The following LDLRAD4 variants were observed in gnomAD, a reference collection of about 807,000 sequenced individuals.
The protein encoded by LDLRAD4 is low-density lipoprotein receptor class A domain-containing protein 4.
LDLRAD4 carries 5 observed loss-of-function variants against 17.0 expected under a neutral mutation model. That is an observed-to-expected ratio of 0.29 (90% CI 0.15 to 0.62). The LOEUF (loss-of-function observed/expected upper bound fraction) is 0.62, where lower values mean the gene tolerates loss of function less well. Among genes scored for constraint, LDLRAD4 ranks in the 20% least tolerant of loss-of-function variants. The probability of loss-of-function intolerance (pLI) is 0.84; values close to 1 mark genes in which losing one functional copy is unlikely to be tolerated. For missense variants in LDLRAD4, 340 were observed against 424.7 expected (o/e 0.80, Z 1.75); for synonymous variants, 168 against 171.8 (o/e 0.98, Z 0.17).
At chr18:13,344,952 A>C (rs2082596033) in intron 1 of LDLRAD4, among the ~76,000 whole-genome samples, 1 of 152,210 alleles carries the variant, frequency 6.6e-6, no homozygotes, top group African/African-American at 2.4e-5. Flanking sequence ...ACTTTGCTGC[A>C]GTTGCTTATC....
chr18:13,305,580 A>T (rs1182491721), intron 1 of LDLRAD4, among the ~76,000 whole-genome samples: 2 of 152,240 alleles, frequency 1.3e-5, no homozygotes, highest in African/African-American at 4.8e-5. Flanking sequence ...ACCCATAGGA[A>T]GTACCCCTAG....
At chr18:13,360,636 G>T (rs538085968) in intron 1 of LDLRAD4, among the ~76,000 whole-genome samples, 19 of 152,310 alleles carry the variant, frequency 1.2e-4, no homozygotes, top group Admixed American at 1.1e-3. Flanking sequence ...CAAACGTACT[G>T]GCCATTTACA....
intron 2 of LDLRAD4, among the ~76,000 whole-genome samples, chr18:13,431,223 G>A (rs576836551): frequency 5.9e-5 from 9 of 152,270 alleles, no homozygotes; most frequent in Middle Eastern, 3.4e-3. Context: ...TATGGGTGAC[G>A]TCGTTTCAAA....
intron 1 of LDLRAD4, among the ~76,000 whole-genome samples, chr18:13,224,074 C>T: frequency 6.6e-6 from 1 of 152,212 alleles, no homozygotes; most frequent in East Asian, 1.9e-4. Context: ...CGTGCTGTAG[C>T]CCTCCCTCCC....
chr18:13,441,949 C>T (rs915622235), intron 3 of LDLRAD4, among the ~76,000 whole-genome samples: 4 of 152,162 alleles, frequency 2.6e-5, no homozygotes, highest in African/African-American at 9.7e-5. Flanking sequence ...CCATTATCTC[C>T]TGGGGAATGA....
At chr18:13,478,777 T>G (rs2093011479) in intron 3 of LDLRAD4, among the ~76,000 whole-genome samples, 1 of 152,194 alleles carries the variant, frequency 6.6e-6, no homozygotes, top group South Asian at 2.1e-4. Context: ...AAAAACTGAT[T>G]CTAAAGTTTA....
At chr18:13,319,312 A>G (rs1318423834) in intron 1 of LDLRAD4, among the ~76,000 whole-genome samples, 2 of 152,148 alleles carry the variant, frequency 1.3e-5, no homozygotes, top group African/African-American at 4.8e-5. Flanking sequence ...AGAGGTGCGC[A>G]GTGGCGGGGC....
intron 1 of LDLRAD4, among the ~76,000 whole-genome samples, chr18:13,341,650 T>C (rs188942065): frequency 6.6e-6 from 1 of 152,306 alleles, no homozygotes; most frequent in African/African-American, 2.4e-5. Context: ...TCTTTAGGGC[T>C]TTCTACATAT....
Position 13,469,842 on chromosome 18 carries a change from T to C in LDLRAD4, c.181+31458T>C, listed in dbSNP as rs370921478. Among the ~76,000 whole-genome samples the C allele has an allele frequency of 1.7e-4, 26 of 152,284 alleles. No individual in the cohort carries two copies. The East Asian group carries it at 4.4e-3, about 26-fold the overall frequency. On this transcript the variant is annotated intron_variant, in intron 3 of 5. Coordinates refer to ENST00000359446, the Ensembl canonical transcript of LDLRAD4. ...GCAAATGTTAGTAACACCACTGAAT[T>C]GTGTCTCAGTTACTGGGAGGCTGAA...
chr18:13,554,032 G>C (rs770259042), intron 3 of LDLRAD4, among the ~76,000 whole-genome samples: 1 of 152,070 alleles, frequency 6.6e-6, no homozygotes, highest in African/African-American at 2.4e-5. Flanking sequence ...TAGTCACATA[G>C]CATTTAATCA....
upstream of LDLRAD4, chr18:13,217,899 G>C (rs1294681064): frequency 2.0e-5 from 3 of 151,502 alleles, no homozygotes; most frequent in African/African-American, 7.3e-5. This position sits in a 1 kb window ranked among gnomAD's most constrained non-coding sequence, Gnocchi z 4.9. Context: ...AGTGGAAGCA[G>C]GGCGGGGAGC....
At chr18:13,511,710 G>A (rs1264562612) in intron 3 of LDLRAD4, among the ~76,000 whole-genome samples, 14 of 152,210 alleles carry the variant, frequency 9.2e-5, no homozygotes, top group Admixed American at 9.2e-4. Context: ...CCCCTCAGTA[G>A]GAAAGGCGGG....
At chr18:13,387,513 G>A (rs2085925049) in exon 2 of LDLRAD4, 3 of 510,864 alleles carry the variant, frequency 5.9e-6, no homozygotes, top group Non-Finnish European at 6.9e-6. Flanking sequence ...ACGGCTGACG[G>A]GAGCAGGGAC....
intron 1 of LDLRAD4, among the ~76,000 whole-genome samples, chr18:13,256,874 T>C (rs1002189122): frequency 6.6e-6 from 1 of 152,194 alleles, no homozygotes; most frequent in South Asian, 2.1e-4. Flanking sequence ...ACCTGTGTTG[T>C]TGGAACGAAG....
At chr18:13,248,473 C>T (rs2043077106) in intron 1 of LDLRAD4, among the ~76,000 whole-genome samples, 1 of 152,204 alleles carries the variant, frequency 6.6e-6, no homozygotes, top group African/African-American at 2.4e-5. Context: ...AGCGACCACC[C>T]CATAAGATGT....
intron 3 of LDLRAD4, chr18:13,500,731 C>T (rs1465513172): frequency 6.6e-6 from 1 of 152,066 alleles, no homozygotes; most frequent in East Asian, 1.9e-4. Context: ...GCTTTAAATG[C>T]TTCTGTAAGA....
chr18:13,371,587 A>G (rs539569040), intron 1 of LDLRAD4, among the ~76,000 whole-genome samples: 5 of 151,868 alleles, frequency 3.3e-5, no homozygotes, highest in African/African-American at 1.2e-4. Context: ...ACATGATGAA[A>G]CCCCATCTCC....
chr18:13,312,721 A>C (rs2047307404), intron 1 of LDLRAD4, among the ~76,000 whole-genome samples: 2 of 152,236 alleles, frequency 1.3e-5, no homozygotes, highest in South Asian at 4.1e-4. Flanking sequence ...CAGCCTGGGC[A>C]ACAGAGTGAG....
intron 3 of LDLRAD4, chr18:13,472,341 G>A (rs1600622325): frequency 6.6e-6 from 1 of 152,246 alleles, no homozygotes; most frequent in African/African-American, 2.4e-5. Flanking sequence ...GACGGGGCTG[G>A]CCCACGAGCC....
Sources: gnomAD v4.1 joint callset for allele counts (sites outside exome capture counted in the v4.1 genomes callset) on GRCh38, gnomAD v4.1.1 for gene constraint, Gnocchi (gnomAD v3.1) non-coding constraint, MANE v1.5 for transcripts, NCBI Gene and HGNC (gene_info 2026-07-23, HGNC 2026-07-21) for gene names.